USP6: variants seen among roughly 807,000 people sequenced by gnomAD.
USP6 encodes the protein ubiquitin carboxyl-terminal hydrolase 6.
Under a neutral mutation model 175.7 loss-of-function variants are expected in USP6, and 128 were observed. The observed-to-expected ratio is 0.73, with a 90% CI of 0.63 to 0.84. The LOEUF (loss-of-function observed/expected upper bound fraction) is 0.84. USP6 is among the 40% of genes least tolerant of loss of function. The pLI is 0.00. For synonymous variants in USP6, 562 were observed against 630.6 expected (o/e 0.89, Z 1.63); for missense variants, 1,498 against 1,760.3 (o/e 0.85, Z 2.67).
At chr17:5,141,928 A>G in intron 23 of USP6, 75 bp from the exon 24 acceptor site, 5 of 1,521,874 alleles carry the variant, frequency 3.3e-6, no homozygotes, top group Non-Finnish European at 4.4e-6. Context: ...AAATCTTTTC[A>G]TTGAATATAA....
chr17:5,122,544 C>T (rs915412327), intron 4 of USP6, among the ~76,000 whole-genome samples: 37 of 152,356 alleles, frequency 2.4e-4, no homozygotes, highest in Admixed American at 6.5e-4. Context: ...CGCGTGCCAC[C>T]CGGGAGGCCG....
chr17:5,139,611 G>A lies in USP6; in HGVS notation c.1435G>A (p.Val479Ile), dbSNP rs2143932995. Residue 479 changes from valine to isoleucine, a missense_variant, in exon 22 of 38, where the codon GTC becomes ATC. By Grantham distance (29) the Val-to-Ile change is conservative. Around this residue, in one of 2 missense-constraint regions of USP6, gnomAD observed 1,217 missense variants for 1,500.8 expected, o/e 0.81. Transcript: ENST00000574788. ...TTATGATTTTGAATGGAGCTGCTGGGTCCGTGCCATATCCCAGGAGGACCA... is the reference window on the plus strand; with the variant it reads ...TTATGATTTTGAATGGAGCTGCTGGATCCGTGCCATATCCCAGGAGGACCA... ...PHYDFEWSCWVRAISQEDQLA... is the reference protein window; with the variant it reads ...PHYDFEWSCWIRAISQEDQLA... 1.2e-6 allele frequency: 2 copies of A among 1,613,348 alleles called. No homozygotes were observed. Among genetic ancestry groups the A allele is most frequent in the Non-Finnish European group, 1.7e-6 (2 of 1,180,010 alleles).
intron 19 of USP6, 40 bp downstream of exon 19, chr17:5,137,226 TTGCCCTGCAG>T: frequency 6.2e-7 from 1 of 1,606,674 alleles, no homozygotes; most frequent in Non-Finnish European, 8.5e-7. Flanking sequence ...GGGACCCTCC[TTGCCCTGCAG>T]TGCCGTGCTT....
intron 30 of USP6, among the ~76,000 whole-genome samples, chr17:5,150,145 A>T (rs2073723577): frequency 1.3e-5 from 2 of 151,990 alleles, no homozygotes; most frequent in African/African-American, 4.8e-5. Context: ...TACAACAATC[A>T]GCCAGGCATG....
At chr17:5,142,546 G>A in intron 25 of USP6, 44 bp downstream of exon 25, 2 of 1,555,408 alleles carry the variant, frequency 1.3e-6, no homozygotes, top group East Asian at 2.4e-5. Flanking sequence ...TTCCTAAATA[G>A]TTGTTTAATC....
chr17:5,158,661 G>C (rs1471634203), intron 31 of USP6, among the ~76,000 whole-genome samples: 1 of 140,078 alleles, frequency 7.1e-6, no homozygotes, highest in Admixed American at 7.3e-5. Flanking sequence ...GAGAGAGAGA[G>C]AGAGAGAGAG....
At chr17:5,133,352 G>A (rs982854155) in intron 13 of USP6, 91 bp from the exon 14 acceptor site, 21 of 1,400,428 alleles carry the variant, frequency 1.5e-5, no homozygotes, top group African/African-American at 1.3e-4. Flanking sequence ...GAATCATGGG[G>A]CCAAAACTGA....
At position 5,169,050 on chromosome 17, in the gene USP6, C is replaced by G. The variant is rs374344408; in HGVS notation, c.3512C>G (p.Pro1171Arg). 1 of 1,601,502 alleles carries G rather than the reference C, an allele frequency of 6.2e-7. No individual in the cohort carries two copies. Among genetic ancestry groups the G allele is most frequent in the African/African-American group, 1.3e-5 (1 of 74,458 alleles). ...CTCAGCGCTAACATCAGCAGCAGCC[C>G]AAAAGGTGAGGCCTGGGGGCCTTAT... ...SSLSANISSS[P>R]KGSPSSSRKS... is the part of the protein sequence containing the mutation. The change falls in exon 35 of 38, where the codon CCA becomes CGA. Residue 1171 changes from proline to arginine, a missense_variant. This residue lies in a region of USP6 where 1,217 missense variants were observed against 1,500.8 expected (regional missense o/e 0.81). Coordinates refer to ENST00000574788, the MANE Select transcript of USP6 (RefSeq NM_001304284.2).
chr17:5,174,792 C>T lies in USP6; in HGVS notation c.*1814C>T, dbSNP rs1468217302. On this transcript the variant is annotated 3_prime_UTR_variant, in exon 38 of 38. Coordinates refer to ENST00000574788, the MANE Select transcript of USP6 (RefSeq NM_001304284.2). The stretch of plus-strand genomic sequence containing the variant: ...TTAAATTAACTATTAACTACATTCA[C>T]CTTGTAAATTACTGTATAAAACTTG... The T allele has an allele frequency of 5.0e-6, 1 of 198,072 alleles. No individual in the cohort carries two copies. The highest frequency in any genetic ancestry group is 1.0e-5 in the Non-Finnish European group (1 of 95,620). The allele number at this position is 198,072 out of a possible 1,614,324, so 12.3% of individuals were successfully genotyped here.
At chr17:5,126,505 G>A (rs1306851909) in intron 6 of USP6, among the ~76,000 whole-genome samples, 1 of 152,122 alleles carries the variant, frequency 6.6e-6, no homozygotes, top group African/African-American at 2.4e-5. Flanking sequence ...GTGACCTACA[G>A]TTTTCACTGG....
chr17:5,121,044 A>T (rs553069145), intron 3 of USP6, among the ~76,000 whole-genome samples: 2 of 152,316 alleles, frequency 1.3e-5, no homozygotes, highest in Middle Eastern at 6.8e-3. Context: ...ACAGCTGTTT[A>T]CAGGATGTGT....
At position 5,132,225 on chromosome 17, in the gene USP6, C is replaced by T. The variant is rs1270629596; in HGVS notation, c.156-171C>T. ...CTTCTTCTCCCAGGTCCTGCCCCTC[C>T]TGGGAGTCAGAGCCACAGGAAGGCC... On this transcript the variant is annotated intron_variant, in intron 11 of 37. Transcript: ENST00000574788. The surrounding 1 kb of genome is among the most constrained non-coding windows in gnomAD (Gnocchi z 4.7). The T allele has an allele frequency of 6.4e-7, 1 of 1,574,092 alleles. No individual in the cohort carries two copies. Among genetic ancestry groups the T allele is most frequent in the Non-Finnish European group, 8.6e-7 (1 of 1,158,976 alleles).
intron 5 of USP6, among the ~76,000 whole-genome samples, chr17:5,125,598 C>T (rs1295241373): frequency 6.6e-6 from 1 of 151,920 alleles, no homozygotes; most frequent in Non-Finnish European, 1.5e-5. Context: ...GAAAGACTTA[C>T]AGCTTGGAGT....
At position 5,130,363 on chromosome 17, in the gene USP6, A is replaced by T; in HGVS notation, c.-1-4A>T. 2 of 1,614,098 alleles carry T rather than the reference A, an allele frequency of 1.2e-6. No individual in the cohort carries two copies. The highest frequency in any genetic ancestry group is 8.5e-7 in the Non-Finnish European group (1 of 1,180,012). On this transcript the variant is annotated splice_polypyrimidine_tract_variant and splice_region_variant and intron_variant, in intron 9 of 37. Coordinates refer to ENST00000574788, the MANE Select transcript of USP6 (RefSeq NM_001304284.2). ...TGTAACCTTTAGACAATTTTGTCTC[A>T]CAGGATGGACATGGTAGAGAATGCA...
intron 33 of USP6, among the ~76,000 whole-genome samples, chr17:5,164,896 A>C (rs1433778122): frequency 6.6e-6 from 1 of 152,246 alleles, no homozygotes; most frequent in African/African-American, 2.4e-5. Flanking sequence ...CATAATTTGC[A>C]GGCAAATATC....
At position 5,144,711 on chromosome 17, in the gene USP6, C is replaced by G; in HGVS notation, c.1840C>G (p.Pro614Ala). ...ATAGCGGACCATAGCAAAATATGCTCCCAAGTTTGATGGGTTTCAGCAACA... is the reference window on the plus strand; with the variant it reads ...ATAGCGGACCATAGCAAAATATGCTGCCAAGTTTGATGGGTTTCAGCAACA... The part of the protein sequence containing the change: ...KLRRTIAKYA[P>A]KFDGFQQQDS... Residue 614 changes from proline to alanine, a missense_variant, in exon 26 of 38, where the codon CCC (proline) becomes GCC (alanine). Around this residue, in one of 2 missense-constraint regions of USP6, gnomAD observed 1,217 missense variants for 1,500.8 expected, o/e 0.81. Coordinates refer to ENST00000574788, the MANE Select transcript of USP6 (RefSeq NM_001304284.2). 6.2e-7 allele frequency: 1 copy of G among 1,613,626 alleles called. No homozygotes were observed. Among genetic ancestry groups the G allele is most frequent in the Non-Finnish European group, 8.5e-7 (1 of 1,179,784 alleles).
intron 30 of USP6, among the ~76,000 whole-genome samples, chr17:5,149,419 A>C (rs2073702413): frequency 6.6e-6 from 1 of 152,072 alleles, no homozygotes; most frequent in Admixed American, 6.6e-5. Flanking sequence ...AAACAAAAAC[A>C]AAAACAAAAA....
At chr17:5,124,347 A>G (rs1175955341) in intron 4 of USP6, among the ~76,000 whole-genome samples, 1 of 152,172 alleles carries the variant, frequency 6.6e-6, no homozygotes, top group Non-Finnish European at 1.5e-5. Context: ...TAATCGGGTC[A>G]CTAAACAAAT....
intron 15 of USP6, 89 bp from the exon 16 acceptor site, chr17:5,135,145 T>G: frequency 6.9e-7 from 1 of 1,445,794 alleles, no homozygotes; most frequent in Non-Finnish European, 9.7e-7. Context: ...CATCTGAACC[T>G]GAAATGGGAT....
Sources: allele counts gnomAD v4.1 joint callset (sites outside exome capture counted in the v4.1 genomes callset), GRCh38; gene constraint gnomAD v4.1.1; regional missense constraint gnomAD v4.1.1; non-coding constraint Gnocchi (gnomAD v3.1); transcripts MANE v1.5; gene names NCBI Gene and HGNC (gene_info 2026-07-23, HGNC 2026-07-21).